Variants in HMCN1 observed in about 807,000 individuals in gnomAD.
The protein encoded by HMCN1 is hemicentin 1, also known as hemicentin-1.
Under a neutral mutation model 625.9 loss-of-function variants are expected in HMCN1, and 321 were observed. The ratio of observed to expected loss-of-function variants is 0.51; its 90% CI spans 0.47 to 0.56. The LOEUF (loss-of-function observed/expected upper bound fraction) is 0.56. Ranked by LOEUF, HMCN1 falls within the 20% of genes least tolerant of loss-of-function variation. HMCN1 has a pLI of 0.00. For synonymous variants in HMCN1, 2,425 were observed against 2,417.6 expected, an observed-to-expected ratio of 1.00 and a Z score of -0.09; for missense variants, 6,588 against 6,887.3, an observed-to-expected ratio of 0.96 and a Z score of 1.54.
At chr1:186,108,160 C>T (rs113441842) in intron 70 of HMCN1, among the ~76,000 whole-genome samples, 19 of 151,664 alleles carry the variant, frequency 1.3e-4, no homozygotes, top group African/African-American at 4.4e-4. Flanking sequence ...GTGTATAACC[C>T]GGACAACGGC....
intron 1 of HMCN1, among the ~76,000 whole-genome samples, chr1:185,844,404 G>T (rs191583630): frequency 2.6e-5 from 4 of 152,208 alleles, no homozygotes; most frequent in South Asian, 2.1e-4. Flanking sequence ...AAGTACATGG[G>T]TTATGGCAGA....
chr1:185,800,900 C>A (rs902350433), intron 1 of HMCN1, among the ~76,000 whole-genome samples: 1 of 151,930 alleles, frequency 6.6e-6, no homozygotes, highest in African/African-American at 2.4e-5. Context: ...GAAAGTAAAC[C>A]ACTGTTTTTA....
At chr1:185,835,774 C>T (rs566097476) in intron 1 of HMCN1, among the ~76,000 whole-genome samples, 3 of 151,858 alleles carry the variant, frequency 2.0e-5, no homozygotes, top group Non-Finnish European at 4.4e-5. Flanking sequence ...GCAAGACAGA[C>T]ATTTGTACAT....
chr1:185,925,367 T>G (rs1667225448), intron 9 of HMCN1, among the ~76,000 whole-genome samples, 176 bp downstream of exon 9: 1 of 152,194 alleles, frequency 6.6e-6, no homozygotes, highest in South Asian at 2.1e-4. Flanking sequence ...TTGTCATAGA[T>G]GGAGACAGTA....
intron 11 of HMCN1, among the ~76,000 whole-genome samples, chr1:185,954,636 TA>T (rs1409553510): frequency 6.6e-6 from 1 of 152,034 alleles, no homozygotes; most frequent in Non-Finnish European, 1.5e-5. Flanking sequence ...TGACCCCACT[TA>T]AAAAAATACT....
Position 185,783,654 on chromosome 1 carries a change from A to G in HMCN1, c.268+48607A>G, listed in dbSNP as rs1571345635. The stretch of plus-strand genomic sequence containing the variant: ...GGGTATCAGCAGTGGAGGCTGCAAA[A>G]CAGCAAATATTGCTGAACAGCAAAT... On this transcript the variant is annotated intron_variant, in intron 1 of 106. Transcript: ENST00000271588. Among the ~76,000 whole-genome samples the G allele has an allele frequency of 2.0e-5, 3 of 152,180 alleles. No homozygotes were observed. The East Asian group carries it at 5.8e-4, about 29-fold the overall frequency.
intron 1 of HMCN1, among the ~76,000 whole-genome samples, chr1:185,791,725 T>TAAAC (rs142418524): frequency 0.072 from 10,996 of 151,786 alleles, 1,268 homozygotes; most frequent in African/African-American, 0.24. Context: ...ATCTCAAAAA[T>TAAAC]AAACAAACAA....
intron 1 of HMCN1, among the ~76,000 whole-genome samples, chr1:185,777,907 A>G (rs1024154687): frequency 2.0e-5 from 3 of 152,162 alleles, no homozygotes; most frequent in East Asian, 1.9e-4. Flanking sequence ...TGGGCATTCA[A>G]TATGCTTTTC....
intron 6 of HMCN1, among the ~76,000 whole-genome samples, chr1:185,913,513 C>G (rs914230135): frequency 6.6e-6 from 1 of 152,102 alleles, no homozygotes; most frequent in African/African-American, 2.4e-5. Context: ...ACTTAGCCAG[C>G]GGTGTCTTGA....
At chr1:185,844,929 A>G (rs1052261167) in intron 1 of HMCN1, among the ~76,000 whole-genome samples, 1 of 152,342 alleles carries the variant, frequency 6.6e-6, no homozygotes, top group Admixed American at 6.5e-5. Context: ...CAGATTTCCA[A>G]GTTAACCCAT....
chr1:186,130,762 C>A, intron 85 of HMCN1, 65 bp downstream of exon 85: 2 of 1,338,854 alleles, frequency 1.5e-6, no homozygotes, highest in Non-Finnish European at 2.1e-6. Flanking sequence ...TCTGTGAGTG[C>A]CATAGATAAG....
At chr1:186,033,626 G>A (rs893015193) in intron 36 of HMCN1, among the ~76,000 whole-genome samples, 1 of 151,448 alleles carries the variant, frequency 6.6e-6, no homozygotes, top group African/African-American at 2.4e-5. Context: ...TTTCCCATCC[G>A]TGGTTGATTG....
chr1:186,008,998 A>C lies in HMCN1; in HGVS notation c.4630+1716A>C, dbSNP rs921556066. Among the ~76,000 whole-genome samples, 7 of 152,292 alleles carry C rather than the reference A, an allele frequency of 4.6e-5. No individual in the cohort carries two copies. In the East Asian group the frequency reaches 1.4e-3, roughly 29 times the overall value. Reference sequence around the variant, plus strand: ...CTATAAATAAAAGCCTTTGGAAGAAATTAGTCATGAAAAGACATGTTCTCT... The same window carrying C: ...CTATAAATAAAAGCCTTTGGAAGAACTTAGTCATGAAAAGACATGTTCTCT... On this transcript the variant is annotated intron_variant, in intron 30 of 106. Coordinates refer to ENST00000271588, the MANE Select transcript of HMCN1 (RefSeq NM_031935.3).
chr1:186,001,216 C>A, intron 26 of HMCN1, 82 bp from the exon 27 acceptor site: 1 of 1,174,366 alleles, frequency 8.5e-7, no homozygotes, highest in Non-Finnish European at 1.2e-6. Flanking sequence ...TCAGAATTTG[C>A]TGTATAAAGG....
rs59992589 is a variant in HMCN1 at position 185,746,605 on chromosome 1, C to CTTT, written c.268+11573_268+11575dup. On this transcript the variant is annotated intron_variant, in intron 1 of 106. Transcript: ENST00000271588. ...TGTGCTGTGTCAGATTTTCCTTTTCCTTTTTTTTTTTTTTTTTGTGAGACA... is the reference window on the plus strand; with the variant it reads ...TGTGCTGTGTCAGATTTTCCTTTTCCTTTTTTTTTTTTTTTTTTTTGTGAGACA... Among the ~76,000 whole-genome samples, 72 of 132,330 alleles carry CTTT rather than the reference C, an allele frequency of 5.4e-4. 1 individual carries two copies. Among genetic ancestry groups the CTTT allele is most frequent in the African/African-American group, 1.4e-3 (48 of 34,332 alleles). The allele number at this position is 132,330 out of a possible 152,430, so 86.8% of individuals were successfully genotyped here. A position where few individuals can be genotyped will look rare whatever the true frequency, so the allele number is the denominator to read the frequency against.
chr1:186,096,690 A>T (rs1660154026), intron 68 of HMCN1, among the ~76,000 whole-genome samples: 1 of 152,150 alleles, frequency 6.6e-6, no homozygotes, highest in African/African-American at 2.4e-5. Flanking sequence ...TGAAAAGATC[A>T]TTCACTCTGA....
intron 40 of HMCN1, among the ~76,000 whole-genome samples, chr1:186,041,647 A>T (rs1003642735): frequency 6.6e-6 from 1 of 152,144 alleles, no homozygotes; most frequent in Non-Finnish European, 1.5e-5. Flanking sequence ...CAATGCTCAC[A>T]AAAGGGAATG....
intron 1 of HMCN1, among the ~76,000 whole-genome samples, chr1:185,786,324 A>G (rs1360363912): frequency 1.3e-5 from 2 of 152,218 alleles, no homozygotes; most frequent in Non-Finnish European, 2.9e-5. Context: ...CTCTGCATGC[A>G]TATTTAACCT....
At chr1:185,774,199 T>C (rs141942616) in intron 1 of HMCN1, among the ~76,000 whole-genome samples, 296 of 152,214 alleles carry the variant, frequency 1.9e-3, no homozygotes, top group African/African-American at 6.6e-3. Flanking sequence ...GTTGAACATA[T>C]ATCCTAAGCA....
Sources: allele counts gnomAD v4.1 joint callset (sites outside exome capture counted in the v4.1 genomes callset), GRCh38; gene constraint gnomAD v4.1.1; transcripts MANE v1.5; gene names NCBI Gene and HGNC (gene_info 2026-07-23, HGNC 2026-07-21).